SSBP2: variants seen among roughly 807,000 people sequenced by gnomAD.
SSBP2 encodes single-stranded DNA-binding protein 2.
SSBP2 carries 17 observed loss-of-function variants against 61.8 expected under a neutral mutation model. That is an observed-to-expected ratio of 0.28 (90% CI 0.19 to 0.41). The LOEUF is 0.41. Ranked by LOEUF, SSBP2 falls within the 10% of genes least tolerant of loss-of-function variation. The pLI is 1.00. For missense variants in SSBP2, 310 were observed against 458.7 expected, an observed-to-expected ratio of 0.68 and a Z score of 2.96; for synonymous variants, 139 against 141.3, an observed-to-expected ratio of 0.98 and a Z score of 0.12.
rs571890677 is a variant in SSBP2 at position 81,724,726 on chromosome 5, G to A, written c.62+26255C>T. ...AGGGATATGTAATATCGGGTTAGAA[G>A]AGCATTTCTTCAGACCACAAAAACA... is the stretch of plus-strand genomic sequence containing the variant. On this transcript the variant is annotated intron_variant, in intron 1 of 16. Transcript: ENST00000320672. Among the ~76,000 whole-genome samples, 6 of 152,224 alleles carry A rather than the reference G, an allele frequency of 3.9e-5. No homozygotes were observed. In the East Asian group the frequency reaches 1.2e-3, roughly 29 times the overall value.
intron 4 of SSBP2, among the ~76,000 whole-genome samples, chr5:81,534,633 G>C (rs928929052): frequency 6.6e-6 from 1 of 152,016 alleles, no homozygotes; most frequent in Non-Finnish European, 1.5e-5. Flanking sequence ...TGAGCTTGAG[G>C]ATGTGGCAAT....
rs150982735 is a variant in SSBP2, at chr5:81,623,176, C to A, written c.198-7619G>T. Among the ~76,000 whole-genome samples the A allele has an allele frequency of 3.9e-3, 597 of 152,216 alleles. 6 individuals carry two copies. Among genetic ancestry groups the A allele is most frequent in the African/African-American group, 0.013 (542 of 41,554 alleles). Reference sequence around the variant, plus strand: ...GAAGTTTTGTAATGTAGTCTTTAAACTGTATTTAATCAAAGAATATTACAT... The same window carrying A: ...GAAGTTTTGTAATGTAGTCTTTAAAATGTATTTAATCAAAGAATATTACAT... On this transcript the variant is annotated intron_variant, in intron 3 of 16. Transcript: ENST00000320672.
At chr5:81,620,084 G>A (rs1262109270) in intron 3 of SSBP2, among the ~76,000 whole-genome samples, 3 of 95,962 alleles carry the variant, frequency 3.1e-5, no homozygotes, top group Non-Finnish European at 6.1e-5. Flanking sequence ...ATTCAACATA[G>A]TGTTGGAAGT....
intron 4 of SSBP2, among the ~76,000 whole-genome samples, chr5:81,540,429 G>A (rs144180053): frequency 0.063 from 9,626 of 152,190 alleles, 337 homozygotes; most frequent in Middle Eastern, 0.092. Context: ...TTTAGCAATC[G>A]CCATTCTAAC....
At chr5:81,719,492 T>C (rs1291011181) in intron 1 of SSBP2, among the ~76,000 whole-genome samples, 1 of 152,196 alleles carries the variant, frequency 6.6e-6, no homozygotes, top group Non-Finnish European at 1.5e-5. Context: ...AAGGTTTCTA[T>C]CCATCTTGAT....
chr5:81,744,860 A>C (rs1757252014), intron 1 of SSBP2, among the ~76,000 whole-genome samples: 2 of 152,138 alleles, frequency 1.3e-5, no homozygotes, highest in Non-Finnish European at 2.9e-5. Flanking sequence ...AAAAGATGAG[A>C]GTAGTTTTGT....
chr5:81,664,892 G>C (rs1337026699), intron 1 of SSBP2, among the ~76,000 whole-genome samples: 2 of 152,028 alleles, frequency 1.3e-5, no homozygotes, highest in Non-Finnish European at 2.9e-5. Context: ...TCTTATTTTC[G>C]GGTTCTCTGT....
chr5:81,517,650 T>A (rs1158226019), intron 4 of SSBP2, among the ~76,000 whole-genome samples: 1 of 152,010 alleles, frequency 6.6e-6, no homozygotes, highest in East Asian at 1.9e-4. Flanking sequence ...CATTCTACCC[T>A]CTAAGAAAGC....
intron 1 of SSBP2, among the ~76,000 whole-genome samples, chr5:81,716,017 A>G (rs10942282): frequency 0.045 from 6,794 of 152,086 alleles, 199 homozygotes; most frequent in East Asian, 0.12. Context: ...TGATCGCACC[A>G]CTGCACTTCA....
At chr5:81,597,251 A>G in intron 4 of SSBP2, among the ~76,000 whole-genome samples, 1 of 152,252 alleles carries the variant, frequency 6.6e-6, no homozygotes, top group East Asian at 1.9e-4. Context: ...CAAAACACAC[A>G]TGAAAAAATG....
intron 4 of SSBP2, among the ~76,000 whole-genome samples, chr5:81,548,464 C>T (rs1771922711): frequency 1.3e-5 from 2 of 152,098 alleles, no homozygotes; most frequent in Admixed American, 6.5e-5. Context: ...AGCACTATAC[C>T]AGTCCTTGAA....
At chr5:81,588,572 T>C (rs1429992464) in intron 4 of SSBP2, among the ~76,000 whole-genome samples, 1 of 151,880 alleles carries the variant, frequency 6.6e-6, no homozygotes, top group African/African-American at 2.4e-5. Flanking sequence ...TACAACCAGG[T>C]TGGAAACTTA....
intron 1 of SSBP2, among the ~76,000 whole-genome samples, chr5:81,698,580 G>A (rs1219538522): frequency 6.6e-6 from 1 of 152,190 alleles, no homozygotes; most frequent in East Asian, 1.9e-4. Flanking sequence ...GGGATGCTGT[G>A]GTGGGCGGAT....
At chr5:81,574,864 A>G (rs1478214247) in intron 4 of SSBP2, among the ~76,000 whole-genome samples, 4 of 152,332 alleles carry the variant, frequency 2.6e-5, no homozygotes, top group Non-Finnish European at 2.9e-5. Flanking sequence ...AAAGCAGAAT[A>G]AAAATATTTT....
At chr5:81,747,437 T>C (rs12186581) in intron 1 of SSBP2, among the ~76,000 whole-genome samples, 53,728 of 151,908 alleles carry the variant, frequency 0.35, 11,699 homozygotes, top group Admixed American at 0.49. Flanking sequence ...GTAGATTTGT[T>C]GGGAGAATTA....
chr5:81,734,778 T>C (rs1465779460), intron 1 of SSBP2, among the ~76,000 whole-genome samples: 1 of 152,112 alleles, frequency 6.6e-6, no homozygotes, highest in African/African-American at 2.4e-5. Context: ...AAGACCATCC[T>C]GGCTAACACG....
At chr5:81,693,025 G>A (rs1753323971) in intron 1 of SSBP2, among the ~76,000 whole-genome samples, 2 of 151,960 alleles carry the variant, frequency 1.3e-5, no homozygotes, top group Admixed American at 1.3e-4. Flanking sequence ...CCAACACAGT[G>A]AAAGCTTGTC....
At chr5:81,655,194 A>G (rs935264392) in intron 1 of SSBP2, among the ~76,000 whole-genome samples, 1 of 152,116 alleles carries the variant, frequency 6.6e-6, no homozygotes. Context: ...TATTTGGATT[A>G]CTAGACAGTG....
At chr5:81,531,483 G>A (rs1770405379) in intron 4 of SSBP2, among the ~76,000 whole-genome samples, 1 of 152,002 alleles carries the variant, frequency 6.6e-6, no homozygotes, top group Admixed American at 6.6e-5. Flanking sequence ...AGATTCACAA[G>A]AAGCCCATCC....
Sources: gnomAD v4.1 joint callset for allele counts (sites outside exome capture counted in the v4.1 genomes callset) on GRCh38, gnomAD v4.1.1 for gene constraint, MANE v1.5 for transcripts, NCBI Gene and HGNC (gene_info 2026-07-23, HGNC 2026-07-21) for gene names.